Variants in STOML3 observed in about 807,000 individuals in gnomAD.
STOML3 encodes the protein stomatin like 3, also known as stomatin-like protein 3.
A neutral mutation model predicts 29.5 loss-of-function variants in STOML3; 31 were observed. That is an observed-to-expected ratio of 1.05 (90% CI 0.79 to 1.42). The LOEUF (loss-of-function observed/expected upper bound fraction) is 1.42. Ranked by LOEUF, STOML3 falls within the 40% of genes most tolerant of loss-of-function variation. The probability of loss-of-function intolerance (pLI) is 0.00; values close to 1 mark genes in which losing one functional copy is unlikely to be tolerated. For synonymous variants in STOML3, 122 were observed against 139.8 expected (o/e 0.87, Z 0.90); for missense variants, 380 against 363.0 (o/e 1.05, Z -0.38).
At chr13:38,984,544 ATACT>A (rs1868432728) in intron 1 of STOML3, among the ~76,000 whole-genome samples, 1 of 152,198 alleles carries the variant, frequency 6.6e-6, no homozygotes, top group Non-Finnish European at 1.5e-5. Context: ...AGATATACAA[ATACT>A]TACCATAGTG....
At position 38,970,226 on chromosome 13, in the gene STOML3, G is replaced by A. The variant is rs2138006491; in HGVS notation, c.475C>T (p.Gln159Ter). 2.5e-6 allele frequency: 4 copies of A among 1,614,048 alleles called. No homozygotes were observed. Among genetic ancestry groups the A allele is most frequent in the East Asian group, 4.5e-5 (2 of 44,882 alleles). The change falls in exon 5 of 7, where the codon CAG (glutamine) becomes TAG (stop). Residue 159 changes from glutamine to a stop codon, truncating the protein, a stop_gained. Transcript: ENST00000379631. LOFTEE classifies it high-confidence loss of function. Reference protein sequence around the residue: ...RNVLGTQTLSQILAGREEIAH... With the variant: ...RNVLGTQTLS The stretch of plus-strand genomic sequence containing the variant: ...ATCTCTTCTCGTCCAGCTAAGATCT[G>A]GGACAAGGTCTGTGTCCCTAAGACA...
At chr13:38,988,193 AT>A (rs1316130905) in intron 1 of STOML3, among the ~76,000 whole-genome samples, 1 of 67,046 alleles carries the variant, frequency 1.5e-5, no homozygotes, top group Non-Finnish European at 2.3e-5. Flanking sequence ...TATAAAATAT[AT>A]TATATTTCAT....
chr13:38,983,384 C>T (rs906538202), intron 1 of STOML3, among the ~76,000 whole-genome samples: 1 of 152,182 alleles, frequency 6.6e-6, no homozygotes, highest in African/African-American at 2.4e-5. Context: ...TAACTTTGTT[C>T]AGTACAGTTT....
chr13:38,973,122 A>C lies in STOML3; in HGVS notation c.230-528T>G, dbSNP rs1387836400. ...AAAAAAAAAAAAAAAAAAAAAAAAA[A>C]AAAAAAAAAATTATCTGGGCATGGT... On this transcript the variant is annotated intron_variant, in intron 3 of 6. Transcript: ENST00000379631. 1.0e-4 allele frequency among the ~76,000 whole-genome samples: 15 copies of C among 149,108 alleles called. 1 individual carries two copies. The highest frequency in any genetic ancestry group is 3.7e-4 in the African/African-American group (15 of 40,060).
chr13:38,976,478 G>A, intron 3 of STOML3, 62 bp downstream of exon 3: 1 of 1,575,106 alleles, frequency 6.3e-7, no homozygotes, highest in Non-Finnish European at 8.7e-7. Flanking sequence ...AAATATTGAA[G>A]GTGGTAGCAG....
At chr13:38,971,938 C>A (rs1190686186) in intron 4 of STOML3, among the ~76,000 whole-genome samples, 2 of 151,938 alleles carry the variant, frequency 1.3e-5, no homozygotes, top group African/African-American at 2.4e-5. Flanking sequence ...AAGAAAAAAA[C>A]AAACAAACAA....
intron 4 of STOML3, among the ~76,000 whole-genome samples, chr13:38,970,864 G>T (rs1880838907): frequency 6.6e-6 from 1 of 152,092 alleles, no homozygotes; most frequent in South Asian, 2.1e-4. Context: ...TCGCTCTATG[G>T]AGAGGCTCAG....
intron 1 of STOML3, among the ~76,000 whole-genome samples, chr13:38,988,665 A>T (rs1045335503): frequency 7.7e-6 from 1 of 130,644 alleles, no homozygotes; most frequent in Non-Finnish European, 1.6e-5. Context: ...TATATTATAT[A>T]TTGAAATTTT....
At chr13:38,984,051 A>G (rs933585612) in intron 1 of STOML3, among the ~76,000 whole-genome samples, 1 of 152,078 alleles carries the variant, frequency 6.6e-6, no homozygotes, top group African/African-American at 2.4e-5. Flanking sequence ...CATGCTGAAT[A>G]CCATCACCAT....
At chr13:38,969,098 CTTT>C (rs1379084779) in intron 5 of STOML3, among the ~76,000 whole-genome samples, 1 of 152,118 alleles carries the variant, frequency 6.6e-6, no homozygotes, top group African/African-American at 2.4e-5. Flanking sequence ...TTATTGGGTC[CTTT>C]TTGAGATATT....
intron 4 of STOML3, among the ~76,000 whole-genome samples, chr13:38,971,382 G>A (rs1880861097): frequency 6.6e-6 from 1 of 152,154 alleles, no homozygotes; most frequent in Non-Finnish European, 1.5e-5. Flanking sequence ...GTGACATGAA[G>A]ACATCATGTT....
At chr13:38,976,075 A>G (rs1248128168) in intron 3 of STOML3, among the ~76,000 whole-genome samples, 2 of 152,108 alleles carry the variant, frequency 1.3e-5, no homozygotes, top group Non-Finnish European at 2.9e-5. Flanking sequence ...CTATCTTTCT[A>G]TGTGTCTACT....
At chr13:38,988,239 TATATA>T (rs1189727146) in intron 1 of STOML3, among the ~76,000 whole-genome samples, 1 of 89,990 alleles carries the variant, frequency 1.1e-5, no homozygotes, top group Non-Finnish European at 1.8e-5. Context: ...ATATATTTTA[TATATA>T]ATATATTATA....
intron 1 of STOML3, among the ~76,000 whole-genome samples, chr13:38,984,783 C>CT (rs1433052953): frequency 1.3e-5 from 2 of 152,152 alleles, no homozygotes; most frequent in Non-Finnish European, 2.9e-5. Flanking sequence ...TCTATCATAA[C>CT]TTTTTTTATA....
chr13:38,973,187 CAGA>C (rs1248236345), intron 3 of STOML3, among the ~76,000 whole-genome samples: 2 of 146,552 alleles, frequency 1.4e-5, no homozygotes, highest in African/African-American at 5.1e-5. Flanking sequence ...GAGGCTGAAG[CAGA>C]AGAATTGCTT....
intron 1 of STOML3, among the ~76,000 whole-genome samples, chr13:38,977,137 C>T (rs920258450): frequency 6.6e-6 from 1 of 152,294 alleles, no homozygotes; most frequent in Admixed American, 6.5e-5. Context: ...ACCGTCCACA[C>T]CAGAATCATC....
At chr13:38,988,025 A>G (rs1180761073) in intron 1 of STOML3, among the ~76,000 whole-genome samples, 18 of 107,642 alleles carry the variant, frequency 1.7e-4, no homozygotes, top group African/African-American at 5.4e-4. Flanking sequence ...TATATAATAT[A>G]TTATATTTTA....
intron 5 of STOML3, among the ~76,000 whole-genome samples, chr13:38,969,279 G>T (rs1183505371): frequency 6.6e-6 from 1 of 152,192 alleles, no homozygotes; most frequent in Non-Finnish European, 1.5e-5. Flanking sequence ...AGTGTCTTGA[G>T]AAATGGTAGG....
chr13:38,969,951 A>T (rs1880799193), intron 5 of STOML3, among the ~76,000 whole-genome samples: 1 of 152,208 alleles, frequency 6.6e-6, no homozygotes, highest in South Asian at 2.1e-4. Flanking sequence ...GAAAATGGAT[A>T]AGGAGCACAT....
Sources: allele counts gnomAD v4.1 joint callset (sites outside exome capture counted in the v4.1 genomes callset), GRCh38; gene constraint gnomAD v4.1.1; transcripts MANE v1.5; gene names NCBI Gene and HGNC (gene_info 2026-07-23, HGNC 2026-07-21).